Variants in PRKCQ observed in about 807,000 individuals in gnomAD.
PRKCQ encodes the protein protein kinase C theta.
A neutral mutation model predicts 91.2 loss-of-function variants in PRKCQ; 41 were observed. The observed-to-expected ratio is 0.45, with a 90% CI of 0.35 to 0.58. The LOEUF (loss-of-function observed/expected upper bound fraction) is 0.58. Ranked by LOEUF, PRKCQ falls within the 20% of genes least tolerant of loss-of-function variation. The probability of loss-of-function intolerance (pLI) is 0.00; values close to 1 mark genes in which losing one functional copy is unlikely to be tolerated. For missense variants in PRKCQ, 673 were observed against 896.5 expected, an observed-to-expected ratio of 0.75 and a Z score of 3.18; for synonymous variants, 307 against 316.9, an observed-to-expected ratio of 0.97 and a Z score of 0.33.
the PRKCQ span, among the ~76,000 whole-genome samples, chr10:6,407,273 G>T: frequency 2.0e-5 from 3 of 151,794 alleles, no homozygotes; most frequent in African/African-American, 7.3e-5. This position sits in a 1 kb window ranked among gnomAD's most constrained non-coding sequence, Gnocchi z 4.0. Context: ...GTGCCGGGGT[G>T]TGGGGGGTGT....
At chr10:6,503,175 G>A (rs1838011842) in intron 4 of PRKCQ, among the ~76,000 whole-genome samples, 1 of 152,140 alleles carries the variant, frequency 6.6e-6, no homozygotes, top group Non-Finnish European at 1.5e-5. Flanking sequence ...CAGAAAGTGG[G>A]CTAATAAATA....
chr10:6,403,546 A>G, the PRKCQ span, among the ~76,000 whole-genome samples: 2 of 152,292 alleles, frequency 1.3e-5, no homozygotes, highest in East Asian at 3.9e-4. Context: ...TGGTGGGTCT[A>G]AGATGAGACC....
At chr10:6,521,816 G>T (rs778397371) in intron 1 of PRKCQ, among the ~76,000 whole-genome samples, 1 of 152,076 alleles carries the variant, frequency 6.6e-6, no homozygotes, top group African/African-American at 2.4e-5. Context: ...TTATCATGAT[G>T]GATATCAGGT....
At position 6,442,468 on chromosome 10, in the gene PRKCQ, C is replaced by T. The variant is rs543791115; in HGVS notation, c.1648-387G>A. On this transcript the variant is annotated intron_variant, in intron 15 of 17. Transcript: ENST00000263125. ...GGTGTGAGCCTGGAAACCAAGCCTA[C>T]GTGCTTTGCTGACTTGTACTGTCCT... Among the ~76,000 whole-genome samples, 12 of 152,296 alleles carry T rather than the reference C, an allele frequency of 7.9e-5. No homozygotes were observed. The East Asian group carries it at 1.3e-3, about 17-fold the overall frequency.
At chr10:6,569,778 A>G (rs138745189) in intron 1 of PRKCQ, among the ~76,000 whole-genome samples, 2 of 152,310 alleles carry the variant, frequency 1.3e-5, no homozygotes, top group Non-Finnish European at 2.9e-5. Flanking sequence ...GGTGATGTCT[A>G]TGCCAGTTGC....
At chr10:6,566,835 C>T (rs1476120211) in intron 1 of PRKCQ, among the ~76,000 whole-genome samples, 1 of 152,122 alleles carries the variant, frequency 6.6e-6, no homozygotes, top group Non-Finnish European at 1.5e-5. Flanking sequence ...GAACACTTCT[C>T]AGTCAGATCC....
At chr10:6,521,921 T>TTTA (rs776048874) in intron 1 of PRKCQ, among the ~76,000 whole-genome samples, 5,886 of 95,892 alleles carry the variant, frequency 0.061, 126 homozygotes, top group Middle Eastern at 0.11. Flanking sequence ...TGTTATGTTA[T>TTTA]GTTATTTATT....
At chr10:6,483,725 T>G in intron 10 of PRKCQ, 125 bp from the exon 11 acceptor site, 1 of 1,149,682 alleles carries the variant, frequency 8.7e-7, no homozygotes, top group Non-Finnish European at 1.2e-6. Flanking sequence ...TGGGGGTGTT[T>G]AGAGGGTTTC....
At chr10:6,476,196 C>G (rs187486168) in intron 12 of PRKCQ, among the ~76,000 whole-genome samples, 2 of 151,644 alleles carry the variant, frequency 1.3e-5, no homozygotes, top group Admixed American at 6.6e-5. Flanking sequence ...GGGACAGAAA[C>G]AAATGCTGCC....
At chr10:6,531,996 G>T (rs1839415411) in intron 1 of PRKCQ, among the ~76,000 whole-genome samples, 3 of 152,136 alleles carry the variant, frequency 2.0e-5, no homozygotes, top group African/African-American at 7.2e-5. Flanking sequence ...TCCTCTTTTG[G>T]CCGGGCCAGT....
intron 16 of PRKCQ, among the ~76,000 whole-genome samples, chr10:6,438,695 A>T (rs1021200351): frequency 2.6e-5 from 4 of 152,038 alleles, no homozygotes; most frequent in African/African-American, 4.8e-5. Context: ...TTGTGGGCTC[A>T]AGTGATCCTC....
chr10:6,519,568 T>C (rs1564370457), intron 1 of PRKCQ, among the ~76,000 whole-genome samples: 2 of 152,154 alleles, frequency 1.3e-5, no homozygotes, highest in South Asian at 4.1e-4. Flanking sequence ...GCAACTCTGA[T>C]TGGACAGGGA....
At chr10:6,435,587 T>C (rs1297340538) in intron 16 of PRKCQ, among the ~76,000 whole-genome samples, 1 of 152,214 alleles carries the variant, frequency 6.6e-6, no homozygotes, top group Non-Finnish European at 1.5e-5. Context: ...GTCCAAACTC[T>C]TCTATGTCAA....
chr10:6,566,192 T>C (rs1399938972), intron 1 of PRKCQ, among the ~76,000 whole-genome samples: 1 of 152,240 alleles, frequency 6.6e-6, no homozygotes, highest in Non-Finnish European at 1.5e-5. Context: ...CTCCTGTCCA[T>C]AGCAAAGCTA....
Position 6,427,855 on chromosome 10 carries a change from A to G in PRKCQ, c.*352T>C, listed in dbSNP as rs2236380. 161,148 of 250,436 alleles carry G rather than the reference A, an allele frequency of 0.64. 55,972 individuals carry two copies. Among genetic ancestry groups the G allele is most frequent in the East Asian group, 0.84 (6,911 of 8,192 alleles). 15.5% of individuals were successfully genotyped at this position (250,436 alleles called of 1,614,324 possible). A position where few individuals can be genotyped will look rare whatever the true frequency, so the allele number is the denominator to read the frequency against. On this transcript the variant is annotated 3_prime_UTR_variant, in exon 18 of 18. Coordinates refer to ENST00000263125, the MANE Select transcript of PRKCQ (RefSeq NM_006257.5). ...TTGCCCCTGATTCAACAAGCATTTCATTGATCAGCAGTTGGCGCCCAGGTG... is the reference window on the plus strand; with the variant it reads ...TTGCCCCTGATTCAACAAGCATTTCGTTGATCAGCAGTTGGCGCCCAGGTG...
chr10:6,524,618 C>T (rs779791948), intron 1 of PRKCQ, among the ~76,000 whole-genome samples: 9 of 152,310 alleles, frequency 5.9e-5, no homozygotes, highest in Non-Finnish European at 1.2e-4. Flanking sequence ...TGAGAAAGGT[C>T]CCCTCTTACA....
intron 7 of PRKCQ, among the ~76,000 whole-genome samples, chr10:6,494,000 CCA>C: frequency 6.6e-6 from 1 of 152,334 alleles, no homozygotes; most frequent in South Asian, 2.1e-4. Context: ...CAGCTCTGCT[CCA>C]CAGTCTGACT....
intron 16 of PRKCQ, among the ~76,000 whole-genome samples, chr10:6,440,696 T>G (rs1833925425): frequency 6.6e-6 from 1 of 151,916 alleles, no homozygotes; most frequent in Non-Finnish European, 1.5e-5. Flanking sequence ...AAATTAAAAT[T>G]TATGTGATGA....
At chr10:6,494,897 G>A (rs887030280) in intron 7 of PRKCQ, among the ~76,000 whole-genome samples, 2 of 152,082 alleles carry the variant, frequency 1.3e-5, no homozygotes, top group Admixed American at 6.5e-5. Context: ...CCACCTCTCC[G>A]ACTCAACATG....
Sources: gnomAD v4.1 joint callset for allele counts (sites outside exome capture counted in the v4.1 genomes callset) on GRCh38, gnomAD v4.1.1 for gene constraint, Gnocchi (gnomAD v3.1) non-coding constraint, MANE v1.5 for transcripts, NCBI Gene and HGNC (gene_info 2026-07-23, HGNC 2026-07-21) for gene names.